Variants in GRIK2 observed in about 807,000 individuals in gnomAD.
The protein encoded by GRIK2 is glutamate receptor ionotropic, kainate 2.
Under a neutral mutation model 100.3 loss-of-function variants are expected in GRIK2, and 32 were observed. The ratio of observed to expected loss-of-function variants is 0.32; its 90% CI spans 0.24 to 0.43. The LOEUF is 0.43. Ranked by LOEUF, GRIK2 falls within the 20% of genes least tolerant of loss-of-function variation. GRIK2 has a pLI of 1.00. For missense variants in GRIK2, 843 were observed against 1,114.9 expected (o/e 0.76, Z 3.47); for synonymous variants, 417 against 389.4 (o/e 1.07, Z -0.83).
At chr6:101,418,357 G>A (rs1317767405) in intron 2 of GRIK2, among the ~76,000 whole-genome samples, 1 of 152,120 alleles carries the variant, frequency 6.6e-6, no homozygotes, top group African/African-American at 2.4e-5. Context: ...TAAGTGCTCA[G>A]TGCAGAGTTT....
rs188916562 is a variant in GRIK2, at chr6:101,573,298, C to T, written c.116-48651C>T. On this transcript the variant is annotated intron_variant, in intron 2 of 16. Transcript: ENST00000369134. ...GTCTATGTTTGTCTTTTGTAGTTTA[C>T]TCAGACATGCTTGGGGTTGGTTAGA... 4.4e-3 allele frequency among the ~76,000 whole-genome samples: 672 copies of T among 152,226 alleles called. 3 individuals carry two copies. Among genetic ancestry groups the T allele is most frequent in the African/African-American group, 0.014 (599 of 41,548 alleles).
intron 7 of GRIK2, among the ~76,000 whole-genome samples, chr6:101,725,373 A>G (rs563763175): frequency 2.4e-4 from 36 of 152,150 alleles, no homozygotes; most frequent in African/African-American, 8.7e-4. Flanking sequence ...GTAATTTCTG[A>G]AGTATCTTCT....
chr6:102,036,815 C>T (rs1425491279), intron 15 of GRIK2, among the ~76,000 whole-genome samples: 2 of 151,108 alleles, frequency 1.3e-5, no homozygotes, highest in African/African-American at 4.8e-5. Context: ...AGAGTAGCAA[C>T]AGGAAACTAA....
Position 101,705,153 on chromosome 6 carries a change from G to A in GRIK2, c.951+18800G>A, listed in dbSNP as rs940564051. Among the ~76,000 whole-genome samples the A allele has an allele frequency of 2.0e-5, 3 of 150,732 alleles. No individual in the cohort carries two copies. In the Admixed American group the frequency reaches 2.0e-4, roughly 10 times the overall value. On this transcript the variant is annotated intron_variant, in intron 7 of 16. Coordinates refer to ENST00000369134, the MANE Select transcript of GRIK2 (RefSeq NM_021956.5). ...TTTAGATTACTTTTCTTTTAACTTG[G>A]TTTTTAATTTGGAAGCAGGAGCTTG... is the stretch of plus-strand genomic sequence containing the variant.
At chr6:101,734,131 C>G (rs566965196) in intron 7 of GRIK2, among the ~76,000 whole-genome samples, 1 of 152,226 alleles carries the variant, frequency 6.6e-6, no homozygotes, top group South Asian at 2.1e-4. Context: ...GCACCACACT[C>G]TTGTTACCAA....
rs563496628 is a variant in GRIK2 at position 101,634,566 on chromosome 6, A to AT, written c.541+7931dup. On this transcript the variant is annotated intron_variant, in intron 4 of 16. Transcript: ENST00000369134. ...CCCTTCATTTGAACTTCTTTGTAGT[A>AT]TTAGGAAATGAAGAAAATCAACAAA... 4.6e-5 allele frequency among the ~76,000 whole-genome samples: 7 copies of AT among 152,210 alleles called. No individual in the cohort carries two copies. In the South Asian group the frequency reaches 1.5e-3, roughly 32 times the overall value.
chr6:101,405,664 A>T (rs1775555176), intron 2 of GRIK2, among the ~76,000 whole-genome samples: 1 of 152,088 alleles, frequency 6.6e-6, no homozygotes, highest in Non-Finnish European at 1.5e-5. Flanking sequence ...CAGATTATTA[A>T]ACTTCAATGT....
intron 11 of GRIK2, among the ~76,000 whole-genome samples, chr6:101,861,212 A>G (rs970399161): frequency 1.3e-5 from 2 of 152,214 alleles, no homozygotes; most frequent in Non-Finnish European, 2.9e-5. Context: ...CATATAGTAG[A>G]TAATCAATAA....
intron 14 of GRIK2, among the ~76,000 whole-genome samples, chr6:101,966,379 T>G (rs1432275805): frequency 6.6e-6 from 1 of 152,118 alleles, no homozygotes; most frequent in East Asian, 1.9e-4. Flanking sequence ...AGGAGAAATT[T>G]AAAAAATATA....
chr6:101,747,506 T>C (rs955864154), intron 7 of GRIK2, among the ~76,000 whole-genome samples: 2 of 152,218 alleles, frequency 1.3e-5, no homozygotes, highest in Non-Finnish European at 2.9e-5. Flanking sequence ...CATTCTTTTC[T>C]GAAAATAAAC....
intron 12 of GRIK2, among the ~76,000 whole-genome samples, chr6:101,921,727 C>A (rs1371014970): frequency 6.6e-6 from 1 of 151,770 alleles, no homozygotes; most frequent in East Asian, 1.9e-4. Context: ...AAGTGGGAAT[C>A]GGAGATAAAA....
chr6:101,483,148 C>T (rs1562169822), intron 2 of GRIK2, among the ~76,000 whole-genome samples: 4 of 152,108 alleles, frequency 2.6e-5, no homozygotes, highest in Non-Finnish European at 5.9e-5. Context: ...AAGCAGTGGT[C>T]GCAATTTCTA....
intron 7 of GRIK2, among the ~76,000 whole-genome samples, chr6:101,748,383 C>T (rs1776572757): frequency 6.6e-6 from 1 of 151,866 alleles, no homozygotes; most frequent in Non-Finnish European, 1.5e-5. Context: ...GTTAATCATC[C>T]TTGTTAAATT....
intron 9 of GRIK2, among the ~76,000 whole-genome samples, chr6:101,810,272 A>G (rs1421886944): frequency 2.6e-5 from 4 of 151,934 alleles, no homozygotes; most frequent in African/African-American, 9.7e-5. Context: ...CAAAATCACA[A>G]CCTGTCTGTT....
At chr6:102,014,177 G>GTAATT (rs1280161357) in intron 14 of GRIK2, among the ~76,000 whole-genome samples, 1 of 152,150 alleles carries the variant, frequency 6.6e-6, no homozygotes, top group Non-Finnish European at 1.5e-5. Flanking sequence ...TATGTGTCCA[G>GTAATT]TAATTTATTC....
chr6:101,860,970 C>G, intron 11 of GRIK2: 6 of 842,578 alleles, frequency 7.1e-6, no homozygotes, highest in Non-Finnish European at 7.1e-6. Context: ...ACATCATCCT[C>G]TCTTCTCCAC....
At chr6:101,999,024 G>C (rs990356064) in intron 14 of GRIK2, among the ~76,000 whole-genome samples, 4 of 151,904 alleles carry the variant, frequency 2.6e-5, no homozygotes, top group Admixed American at 6.6e-5. Flanking sequence ...ATGTTTGCCA[G>C]GCTGGTCTCA....
At chr6:101,504,310 T>C (rs1226015852) in intron 2 of GRIK2, among the ~76,000 whole-genome samples, 1 of 152,092 alleles carries the variant, frequency 6.6e-6, no homozygotes, top group African/African-American at 2.4e-5. Context: ...TGTTGCCAGG[T>C]TGGTGAACTA....
chr6:101,919,367 T>C (rs997906830), intron 12 of GRIK2, among the ~76,000 whole-genome samples: 3 of 151,812 alleles, frequency 2.0e-5, no homozygotes, highest in African/African-American at 7.2e-5. Context: ...TTAAGCATAG[T>C]TTGTATTTAA....
Sources: gnomAD v4.1 joint callset for allele counts (sites outside exome capture counted in the v4.1 genomes callset) on GRCh38, gnomAD v4.1.1 for gene constraint, MANE v1.5 for transcripts, NCBI Gene and HGNC (gene_info 2026-07-23, HGNC 2026-07-21) for gene names.